The following IAH1 variants were observed in gnomAD, a reference collection of about 807,000 sequenced individuals.
IAH1 encodes isoamyl acetate-hydrolyzing esterase 1 homolog.
A neutral mutation model predicts 26.7 loss-of-function variants in IAH1; 24 were observed. The observed-to-expected ratio is 0.90, with a 90% confidence interval of 0.65 to 1.26. The LOEUF is 1.26. Among genes scored for constraint, IAH1 ranks in the 50% most tolerant of loss-of-function variants. The probability of loss-of-function intolerance (pLI) is 0.00; values close to 1 mark genes in which losing one functional copy is unlikely to be tolerated. For missense variants in IAH1, 300 were observed against 299.9 expected, an observed-to-expected ratio of 1.00 and a Z score of 0.00; for synonymous variants, 140 against 118.5, an observed-to-expected ratio of 1.18 and a Z score of -1.18.
In IAH1 at chr2:9,481,311, C is replaced by T; in HGVS notation, c.309C>T (p.Pro103=). 1 of 1,614,172 alleles carries T rather than the reference C, an allele frequency of 6.2e-7. No homozygotes were observed. Among genetic ancestry groups the T allele is most frequent in the South Asian group, 1.1e-5 (1 of 91,084 alleles). Reference sequence around the variant, plus strand: ...ATGAGAATCCCAAGCAGCACATTCCCCTGGAGGAGTACGCTGCGAACCTAA... The same window carrying T: ...ATGAGAATCCCAAGCAGCACATTCCTCTGGAGGAGTACGCTGCGAACCTAA... ...LKDENPKQHI[P]LEEYAANLKS... is the part of the protein sequence containing the mutation. The change falls in exon 4 of 6, where the codon CCC becomes CCT. Residue 103 remains proline, a synonymous_variant. Transcript: ENST00000497473.
the IAH1 span, among the ~76,000 whole-genome samples, chr2:9,507,301 T>C: frequency 1.3e-5 from 2 of 152,024 alleles, no homozygotes. Flanking sequence ...GACCAGTCAG[T>C]TGACCAACCT....
chr2:9,506,263 A>G, the IAH1 span, among the ~76,000 whole-genome samples: 1 of 152,046 alleles, frequency 6.6e-6, no homozygotes, highest in African/African-American at 2.4e-5. Flanking sequence ...TGTAACCACC[A>G]AATCAGACAC....
chr2:9,509,903 G>T, the IAH1 span: 1 of 1,547,014 alleles, frequency 6.5e-7, no homozygotes, highest in Non-Finnish European at 8.8e-7. Context: ...AATGGAATAC[G>T]TTTCTGAGCT....
At chr2:9,490,515 C>G, downstream of IAH1, 1 of 1,609,712 alleles carries the variant, frequency 6.2e-7, no homozygotes, top group Non-Finnish European at 8.5e-7. Context: ...AGCATTTCGA[C>G]GTTCTGCAAA....
chr2:9,500,645 A>T (rs1662942169), downstream of IAH1, among the ~76,000 whole-genome samples: 1 of 152,224 alleles, frequency 6.6e-6, no homozygotes, highest in African/African-American at 2.4e-5. Flanking sequence ...ACAGATAGAT[A>T]TATCAGAGGA....
chr2:9,487,823 T>G (rs991074857), intron 5 of IAH1, among the ~76,000 whole-genome samples: 6 of 97,412 alleles, frequency 6.2e-5, no homozygotes, highest in African/African-American at 2.0e-4. Flanking sequence ...TGTGTGTGTG[T>G]GTGTGTGTGT....
intron 4 of IAH1, among the ~76,000 whole-genome samples, chr2:9,482,095 G>A (rs1197437292): frequency 2.0e-5 from 3 of 148,236 alleles, no homozygotes; most frequent in South Asian, 4.3e-4. Flanking sequence ...GCAGTGGCAC[G>A]ATCTCGGCTC....
At chr2:9,478,460 T>A in intron 3 of IAH1, 90 bp downstream of exon 3, 1 of 1,261,794 alleles carries the variant, frequency 7.9e-7, no homozygotes, top group South Asian at 1.6e-5. Context: ...TTCAACTGTT[T>A]ACTTTCTCCC....
At chr2:9,486,987 T>C (rs760585401) in intron 5 of IAH1, among the ~76,000 whole-genome samples, 3 of 152,044 alleles carry the variant, frequency 2.0e-5, no homozygotes, top group Non-Finnish European at 4.4e-5. Context: ...ATCCCAATAC[T>C]TTGTGAGGCC....
chr2:9,495,609 G>A (rs1662515828), intron 6 of IAH1, among the ~76,000 whole-genome samples: 1 of 151,856 alleles, frequency 6.6e-6, no homozygotes. Context: ...AGCTACTCAG[G>A]AGGCTGAGGC....
intron 5 of IAH1, among the ~76,000 whole-genome samples, chr2:9,487,823 TGTGTGTGTGTGCGC>T (rs766763499): frequency 2.8e-3 from 271 of 97,392 alleles, no homozygotes; most frequent in Non-Finnish European, 3.9e-3. Context: ...TGTGTGTGTG[TGTGTGTGTGTGCGC>T]GCGCGCGCGC....
At chr2:9,491,507 C>T (rs150089134), downstream of IAH1, among the ~76,000 whole-genome samples, 623 of 152,302 alleles carry the variant, frequency 4.1e-3, 3 homozygotes, top group Admixed American at 7.4e-3. Flanking sequence ...ACACCAGGAC[C>T]GCACTGACTG....
chr2:9,475,863 TG>T, intron 1 of IAH1, 123 bp from the exon 2 acceptor site: 1 of 765,386 alleles, frequency 1.3e-6, no homozygotes, highest in Non-Finnish European at 2.3e-6. Context: ...AATGACCTCC[TG>T]GAGTGAAGCA....
At chr2:9,499,817 C>T (rs1334201083), downstream of IAH1, among the ~76,000 whole-genome samples, 1 of 152,166 alleles carries the variant, frequency 6.6e-6, no homozygotes, top group African/African-American at 2.4e-5. Context: ...CAAAATAGGA[C>T]ACAACTTCAT....
downstream of IAH1, chr2:9,491,269 G>A: frequency 1.2e-6 from 1 of 851,368 alleles, no homozygotes; most frequent in South Asian, 1.7e-5. Context: ...GTTGTAGAAA[G>A]TGATAGCAGG....
intron 4 of IAH1, among the ~76,000 whole-genome samples, chr2:9,481,834 A>G (rs145825364): frequency 6.6e-6 from 1 of 152,128 alleles, no homozygotes; most frequent in Non-Finnish European, 1.5e-5. Flanking sequence ...ACTGGTCCAC[A>G]GAAGCTGGGG....
At chr2:9,494,953 C>A (rs1383103044) in intron 6 of IAH1, 2 of 572,678 alleles carry the variant, frequency 3.5e-6, no homozygotes, top group East Asian at 6.4e-5. Context: ...CCTCAGCCTT[C>A]AGTGACAGAG....
intron 3 of IAH1, among the ~76,000 whole-genome samples, chr2:9,480,685 A>G (rs1241476303): frequency 6.6e-6 from 1 of 152,206 alleles, no homozygotes; most frequent in African/African-American, 2.4e-5. Flanking sequence ...CTGTACTTAC[A>G]TGTGGTTAGC....
At chr2:9,500,166 T>A (rs2124985797), downstream of IAH1, among the ~76,000 whole-genome samples, 1 of 152,234 alleles carries the variant, frequency 6.6e-6, no homozygotes, top group South Asian at 2.1e-4. Flanking sequence ...AACCAATGAA[T>A]GAATAAACAA....
Sources: allele counts gnomAD v4.1 joint callset (sites outside exome capture counted in the v4.1 genomes callset), GRCh38; gene constraint gnomAD v4.1.1; transcripts MANE v1.5; gene names NCBI Gene and HGNC (gene_info 2026-07-23, HGNC 2026-07-21).